Variants in GRAMD1B observed in about 807,000 individuals in gnomAD.
GRAMD1B encodes the protein GRAM domain containing 1B.
A neutral mutation model predicts 99.7 loss-of-function variants in GRAMD1B; 37 were observed. The observed-to-expected ratio is 0.37, with a 90% CI of 0.29 to 0.49. The LOEUF (loss-of-function observed/expected upper bound fraction) is 0.49, where lower values mean the gene tolerates loss of function less well. Ranked by LOEUF, GRAMD1B falls within the 20% of genes least tolerant of loss-of-function variation. The pLI is 0.98. For missense variants in GRAMD1B, 888 were observed against 1,009.2 expected (o/e 0.88, Z 1.63); for synonymous variants, 427 against 387.6 (o/e 1.10, Z -1.19).
intron 2 of GRAMD1B, among the ~76,000 whole-genome samples, chr11:123,514,187 A>G (rs894444996): frequency 6.6e-6 from 1 of 152,198 alleles, no homozygotes; most frequent in Non-Finnish European, 1.5e-5. Context: ...TCAGGGACGC[A>G]AGAAGAATTA....
At chr11:123,407,496 G>T (rs1340929192) in intron 1 of GRAMD1B, among the ~76,000 whole-genome samples, 2 of 152,268 alleles carry the variant, frequency 1.3e-5, no homozygotes, top group East Asian at 3.9e-4. Context: ...CTTCCAGGGT[G>T]CTTAAATTGA....
At chr11:123,465,874 G>A (rs1330265316) in intron 1 of GRAMD1B, among the ~76,000 whole-genome samples, 1 of 152,126 alleles carries the variant, frequency 6.6e-6, no homozygotes, top group African/African-American at 2.4e-5. Flanking sequence ...AGCTCTCTGT[G>A]TGTACTGGCC....
At chr11:123,548,980 A>G (rs894428368) in intron 2 of GRAMD1B, among the ~76,000 whole-genome samples, 1 of 152,202 alleles carries the variant, frequency 6.6e-6, no homozygotes, top group Non-Finnish European at 1.5e-5. Context: ...TCTGCCCAGC[A>G]CAGCCTCCCA....
chr11:123,394,565 T>C (rs186776131), intron 1 of GRAMD1B, among the ~76,000 whole-genome samples: 4 of 147,930 alleles, frequency 2.7e-5, no homozygotes, highest in Admixed American at 2.7e-4. Context: ...CTTCTCTTCT[T>C]TTCATTTTTC....
intron 2 of GRAMD1B, among the ~76,000 whole-genome samples, chr11:123,507,667 A>G (rs756606270): frequency 6.6e-6 from 1 of 152,252 alleles, no homozygotes; most frequent in Non-Finnish European, 1.5e-5. Context: ...CACTGTACAT[A>G]GGACATAGGA....
At chr11:123,361,473 A>G (rs986121029) in intron 1 of GRAMD1B, among the ~76,000 whole-genome samples, 1 of 152,050 alleles carries the variant, frequency 6.6e-6, no homozygotes, top group African/African-American at 2.4e-5. Flanking sequence ...GCTGCACTTC[A>G]TACTCTTACT....
intron 1 of GRAMD1B, among the ~76,000 whole-genome samples, chr11:123,369,127 T>A (rs1219192129): frequency 6.6e-6 from 1 of 151,926 alleles, no homozygotes; most frequent in Admixed American, 6.6e-5. Flanking sequence ...AGACCCCATA[T>A]CTACAAAAAT....
upstream of GRAMD1B, among the ~76,000 whole-genome samples, chr11:123,426,510 T>A (rs1948655260): frequency 6.6e-6 from 1 of 152,220 alleles, no homozygotes; most frequent in African/African-American, 2.4e-5. Flanking sequence ...CTGTCCGTAT[T>A]TCCAGCTTCC....
At chr11:123,362,035 A>G (rs1306547620) in intron 1 of GRAMD1B, among the ~76,000 whole-genome samples, 2 of 152,210 alleles carry the variant, frequency 1.3e-5, no homozygotes, top group African/African-American at 4.8e-5. Flanking sequence ...ATATTTAAAT[A>G]CTTTTCTGGA....
chr11:123,593,900 C>G (rs530256956), intron 4 of GRAMD1B, among the ~76,000 whole-genome samples, 182 bp from the exon 5 acceptor site: 126 of 152,268 alleles, frequency 8.3e-4, no homozygotes, highest in South Asian at 2.1e-3. Context: ...GCACCAGATT[C>G]TCCCCACTGT....
intron 1 of GRAMD1B, among the ~76,000 whole-genome samples, chr11:123,466,248 C>T (rs1341546962): frequency 1.4e-5 from 2 of 146,950 alleles, no homozygotes; most frequent in African/African-American, 2.5e-5. Flanking sequence ...TGCACTCCAG[C>T]GTGGGTGACA....
intron 8 of GRAMD1B, among the ~76,000 whole-genome samples, chr11:123,601,406 C>T (rs1023202586): frequency 2.6e-5 from 4 of 151,824 alleles, no homozygotes; most frequent in Admixed American, 2.6e-4. Flanking sequence ...AAAAAAGTTC[C>T]CACTCAGATG....
chr11:123,614,868 C>T (rs368883623), intron 17 of GRAMD1B, 33 bp downstream of exon 17: 9 of 1,262,222 alleles, frequency 7.1e-6, no homozygotes, highest in Admixed American at 1.8e-5. Flanking sequence ...ATCCTGCCCT[C>T]ACCACCTTCC....
intron 1 of GRAMD1B, among the ~76,000 whole-genome samples, chr11:123,438,852 A>C (rs923644012): frequency 2.0e-5 from 3 of 152,122 alleles, no homozygotes; most frequent in African/African-American, 7.2e-5. Flanking sequence ...AGGAGTCTGA[A>C]TGGCTAAGCT....
At chr11:123,565,820 G>T (rs1947305341) in intron 2 of GRAMD1B, among the ~76,000 whole-genome samples, 1 of 152,216 alleles carries the variant, frequency 6.6e-6, no homozygotes, top group Admixed American at 6.5e-5. Context: ...CAGCAGGACT[G>T]TCCCCTAAAT....
intron 2 of GRAMD1B, among the ~76,000 whole-genome samples, chr11:123,566,327 G>A (rs528504799): frequency 4.8e-4 from 73 of 152,326 alleles, no homozygotes; most frequent in Non-Finnish European, 9.0e-4. Context: ...GAGTCTGGAA[G>A]TGATGTCATA....
At chr11:123,486,112 G>T (rs578073640) in intron 2 of GRAMD1B, among the ~76,000 whole-genome samples, 1 of 152,196 alleles carries the variant, frequency 6.6e-6, no homozygotes, top group African/African-American at 2.4e-5. Context: ...GGATTTTCTT[G>T]TAAAGAATAC....
At chr11:123,521,263 C>T (rs1942176374) in intron 2 of GRAMD1B, among the ~76,000 whole-genome samples, 1 of 152,218 alleles carries the variant, frequency 6.6e-6, no homozygotes, top group Non-Finnish European at 1.5e-5. Flanking sequence ...GATGACATCT[C>T]ACCAGAGTTC....
intron 1 of GRAMD1B, among the ~76,000 whole-genome samples, chr11:123,476,527 A>T (rs1188896291): frequency 6.6e-6 from 1 of 152,160 alleles, no homozygotes; most frequent in African/African-American, 2.4e-5. Context: ...GCCACCATGG[A>T]TTTATCTAGA....
Sources: gnomAD v4.1 joint callset for allele counts (sites outside exome capture counted in the v4.1 genomes callset) on GRCh38, gnomAD v4.1.1 for gene constraint, MANE v1.5 for transcripts, NCBI Gene and HGNC (gene_info 2026-07-23, HGNC 2026-07-21) for gene names.